Variants in GPC5 observed in about 807,000 individuals in gnomAD.
GPC5 encodes glypican-5.
In GPC5, 47 loss-of-function variants were observed where a neutral mutation model predicts 53.9. The observed-to-expected ratio is 0.87, with a 90% CI of 0.69 to 1.11. The LOEUF is 1.11. Among genes scored for constraint, GPC5 ranks in the 50% most tolerant of loss-of-function variants. The pLI, the probability that GPC5 is intolerant of heterozygous loss-of-function variation, is 0.00. For missense variants in GPC5, 748 were observed against 713.1 expected, an observed-to-expected ratio of 1.05 and a Z score of -0.56; for synonymous variants, 286 against 263.3, an observed-to-expected ratio of 1.09 and a Z score of -0.84.
intron 7 of GPC5, among the ~76,000 whole-genome samples, chr13:92,352,341 A>G (rs1293023807): frequency 6.6e-6 from 1 of 152,238 alleles, no homozygotes. Context: ...CGTGTTATTC[A>G]TAAAAGGTTG....
chr13:91,849,245 T>G (rs941358781), intron 5 of GPC5, among the ~76,000 whole-genome samples: 4 of 152,164 alleles, frequency 2.6e-5, no homozygotes, highest in Admixed American at 6.5e-5. Flanking sequence ...CCTTTTAGTA[T>G]GATGACATGA....
At chr13:92,089,833 G>C (rs1034530634) in intron 6 of GPC5, among the ~76,000 whole-genome samples, 18 of 152,138 alleles carry the variant, frequency 1.2e-4, no homozygotes, top group African/African-American at 4.3e-4. Flanking sequence ...ATTCTTCAGA[G>C]ATAAATGTAC....
In GPC5 at chr13:91,832,204, C is replaced by T. The variant is rs142806857; in HGVS notation, c.1281-75733C>T. On this transcript the variant is annotated intron_variant, in intron 5 of 7. Coordinates refer to ENST00000377067, the MANE Select transcript of GPC5 (RefSeq NM_004466.6). ...CTTCTTGTTGCATTGATCCCTTTAC[C>T]AATGCAACTTCAATGTAATGCTCTT... is the stretch of plus-strand genomic sequence containing the variant. Among the ~76,000 whole-genome samples the T allele has an allele frequency of 5.5e-4, 83 of 151,888 alleles. 1 individual carries two copies. Among genetic ancestry groups the T allele is most frequent in the African/African-American group, 2.0e-3 (81 of 41,466 alleles).
At chr13:91,584,049 C>T (rs1214237345) in intron 2 of GPC5, among the ~76,000 whole-genome samples, 2 of 151,962 alleles carry the variant, frequency 1.3e-5, no homozygotes, top group Admixed American at 1.3e-4. Context: ...TGACTGATGT[C>T]CTTGTAAGAA....
intron 2 of GPC5, among the ~76,000 whole-genome samples, chr13:91,488,298 A>G (rs570469007): frequency 6.6e-6 from 1 of 152,238 alleles, no homozygotes; most frequent in East Asian, 1.9e-4. Context: ...CAATTTATAA[A>G]CTAACCCGCT....
At chr13:92,520,071 T>A (rs1217061661) in intron 7 of GPC5, among the ~76,000 whole-genome samples, 2 of 152,120 alleles carry the variant, frequency 1.3e-5, no homozygotes, top group African/African-American at 2.4e-5. Context: ...CTTCCAAGAC[T>A]AAACCAGTAA....
At position 92,540,552 on chromosome 13, in the gene GPC5, G is replaced by A. The variant is rs183810756; in HGVS notation, c.1562-325730G>A. Among the ~76,000 whole-genome samples, 573 of 151,874 alleles carry A rather than the reference G, an allele frequency of 3.8e-3. 7 individuals carry two copies. The highest frequency in any genetic ancestry group is 0.013 in the Admixed American group (198 of 15,220). On this transcript the variant is annotated intron_variant, in intron 7 of 7. Transcript: ENST00000377067. Reference sequence around the variant, plus strand: ...TATTTTTACAAAATTGGATCCATTCGCAAATGTCTGGGGTAATTTATTAAT... The same window carrying A: ...TATTTTTACAAAATTGGATCCATTCACAAATGTCTGGGGTAATTTATTAAT...
At chr13:91,838,322 T>C (rs2138867193) in intron 5 of GPC5, among the ~76,000 whole-genome samples, 1 of 152,170 alleles carries the variant, frequency 6.6e-6, no homozygotes, top group Middle Eastern at 3.4e-3. Context: ...CTTAGCTCAA[T>C]AGGTGCTTCA....
intron 2 of GPC5, among the ~76,000 whole-genome samples, chr13:91,594,307 G>A (rs2032912583): frequency 6.6e-6 from 1 of 152,186 alleles, no homozygotes; most frequent in Non-Finnish European, 1.5e-5. Context: ...GTAGCTTAGT[G>A]TGTGCATTTT....
chr13:91,919,525 T>C (rs2139014556), intron 6 of GPC5, among the ~76,000 whole-genome samples: 1 of 152,350 alleles, frequency 6.6e-6, no homozygotes, highest in South Asian at 2.1e-4. Context: ...TCTTTTGGGC[T>C]TTTGGTTAAA....
At chr13:92,585,659 C>T (rs1342298762) in intron 7 of GPC5, among the ~76,000 whole-genome samples, 1 of 152,026 alleles carries the variant, frequency 6.6e-6, no homozygotes, top group Non-Finnish European at 1.5e-5. Context: ...TTGGGAGGGG[C>T]CAGGACAGAA....
intron 7 of GPC5, among the ~76,000 whole-genome samples, chr13:92,189,619 A>T (rs547343310): frequency 6.6e-6 from 1 of 152,030 alleles, no homozygotes; most frequent in Non-Finnish European, 1.5e-5. Context: ...AAGTTTCAAG[A>T]GACTGAACGA....
At chr13:91,689,503 T>A (rs1001692663) in intron 2 of GPC5, among the ~76,000 whole-genome samples, 13 of 151,266 alleles carry the variant, frequency 8.6e-5, no homozygotes, top group African/African-American at 3.1e-4. Context: ...AACTTCAATT[T>A]TTAAAAAACT....
intron 6 of GPC5, among the ~76,000 whole-genome samples, chr13:91,910,271 T>C (rs535370643): frequency 9.2e-5 from 14 of 152,312 alleles, no homozygotes; most frequent in African/African-American, 3.1e-4. Flanking sequence ...GCTATTGTAC[T>C]GTCAATATCA....
chr13:91,638,323 T>C (rs1223875375), intron 2 of GPC5, among the ~76,000 whole-genome samples: 1 of 152,186 alleles, frequency 6.6e-6, no homozygotes, highest in Non-Finnish European at 1.5e-5. Context: ...CAATGCCTTT[T>C]ACTACTTTTC....
At position 91,696,682 on chromosome 13, in the gene GPC5, T is replaced by A. The variant is rs183323030; in HGVS notation, c.1020+2801T>A. On this transcript the variant is annotated intron_variant, in intron 3 of 7. Transcript: ENST00000377067. The stretch of plus-strand genomic sequence containing the variant: ...TATCTGTGGAGATACCTGATATATA[T>A]ATAAAATACTTCTGTTGGATGAATT... Among the ~76,000 whole-genome samples the A allele has an allele frequency of 3.9e-3, 596 of 152,272 alleles. 3 individuals carry two copies. The highest frequency in any genetic ancestry group is 6.6e-3 in the Non-Finnish European group (447 of 68,000).
chr13:92,537,021 G>T (rs1278477490), intron 7 of GPC5, among the ~76,000 whole-genome samples: 3 of 151,942 alleles, frequency 2.0e-5, no homozygotes, highest in Admixed American at 6.6e-5. Flanking sequence ...CTCTGAAAAG[G>T]TTTATATCTC....
intron 2 of GPC5, among the ~76,000 whole-genome samples, chr13:91,525,214 G>A (rs553231563): frequency 1.3e-5 from 2 of 152,206 alleles, no homozygotes; most frequent in South Asian, 4.1e-4. Context: ...CCCAAGAAAT[G>A]TTATTAGTAG....
At chr13:92,313,928 AC>A (rs1457700214) in intron 7 of GPC5, among the ~76,000 whole-genome samples, 2 of 152,026 alleles carry the variant, frequency 1.3e-5, no homozygotes, top group Non-Finnish European at 2.9e-5. Flanking sequence ...TATAATAACC[AC>A]CTAGATAAAT....
Sources: gnomAD v4.1 joint callset for allele counts (sites outside exome capture counted in the v4.1 genomes callset) on GRCh38, gnomAD v4.1.1 for gene constraint, MANE v1.5 for transcripts, NCBI Gene and HGNC (gene_info 2026-07-23, HGNC 2026-07-21) for gene names.